JAK2: variants seen among roughly 807,000 people sequenced by gnomAD.
JAK2 encodes the protein tyrosine-protein kinase JAK2.
Under a neutral mutation model 139.3 loss-of-function variants are expected in JAK2, and 86 were observed. The observed-to-expected ratio is 0.62, with a 90% confidence interval of 0.52 to 0.74. The LOEUF (loss-of-function observed/expected upper bound fraction) is 0.74, where lower values mean the gene tolerates loss of function less well. Ranked by LOEUF, JAK2 falls within the 30% of genes least tolerant of loss-of-function variation. The probability of loss-of-function intolerance (pLI) is 0.00; values close to 1 mark genes in which losing one functional copy is unlikely to be tolerated. For missense variants in JAK2, 1,421 were observed against 1,360.3 expected (o/e 1.04, Z -0.70); for synonymous variants, 490 against 437.7 (o/e 1.12, Z -1.49).
chr9:5,017,082 A>G (rs957537962), intron 2 of JAK2, among the ~76,000 whole-genome samples: 2 of 152,244 alleles, frequency 1.3e-5, no homozygotes, highest in Non-Finnish European at 2.9e-5. Flanking sequence ...AGGGAAAGCC[A>G]TGACATGTAG....
intron 4 of JAK2, among the ~76,000 whole-genome samples, chr9:5,042,165 T>C (rs569105421): frequency 3.3e-4 from 49 of 147,414 alleles, no homozygotes; most frequent in South Asian, 6.4e-4. Context: ...GAGTCTCGCT[T>C]TGTCGCCCAG....
At chr9:5,092,254 T>C (rs1820641685) in intron 22 of JAK2, among the ~76,000 whole-genome samples, 1 of 152,086 alleles carries the variant, frequency 6.6e-6, no homozygotes, top group Admixed American at 6.5e-5. Context: ...AGTAGAGTGC[T>C]TGGTTGAGGT....
chr9:5,004,604 G>A (rs1821149913), intron 2 of JAK2, among the ~76,000 whole-genome samples: 1 of 152,174 alleles, frequency 6.6e-6, no homozygotes, highest in Admixed American at 6.5e-5. Context: ...GCATGGGAGT[G>A]TAGATATTGC....
At chr9:5,080,490 G>C (rs759545248) in intron 17 of JAK2, 43 bp from the exon 18 acceptor site, 11 of 1,546,774 alleles carry the variant, frequency 7.1e-6, no homozygotes, top group Admixed American at 4.1e-5. Context: ...GGTTGGTGTG[G>C]CATTACACAA....
At chr9:5,122,934 G>T in intron 22 of JAK2, 70 bp from the exon 23 acceptor site, 3 of 900,366 alleles carry the variant, frequency 3.3e-6, no homozygotes, top group South Asian at 1.8e-5. Flanking sequence ...TTTATACAAT[G>T]ATTTGCAGGT....
At chr9:5,064,257 C>T (rs1818405660) in intron 8 of JAK2, among the ~76,000 whole-genome samples, 1 of 151,992 alleles carries the variant, frequency 6.6e-6, no homozygotes, top group African/African-American at 2.4e-5. Context: ...AGGGCTGATG[C>T]CGTGGCTCAC....
intron 2 of JAK2, among the ~76,000 whole-genome samples, chr9:5,018,032 T>G (rs1042359782): frequency 6.6e-5 from 10 of 152,218 alleles, no homozygotes; most frequent in Non-Finnish European, 1.3e-4. Flanking sequence ...AGTTGGGTCA[T>G]GTTTTTTAGT....
chr9:5,020,695 C>G (rs1218423516), intron 2 of JAK2, among the ~76,000 whole-genome samples: 2 of 152,160 alleles, frequency 1.3e-5, no homozygotes, highest in Non-Finnish European at 2.9e-5. Flanking sequence ...GGTGGTAGAG[C>G]TTGTCCTCAG....
intron 12 of JAK2, among the ~76,000 whole-genome samples, chr9:5,071,385 A>G (rs1818939704): frequency 6.6e-6 from 1 of 152,224 alleles, no homozygotes; most frequent in Non-Finnish European, 1.5e-5. Flanking sequence ...ATTTTCAGAT[A>G]CAGACTATAA....
chr9:5,005,083 ATTTTTTT>A (rs527982744), intron 2 of JAK2, among the ~76,000 whole-genome samples: 1 of 40,032 alleles, frequency 2.5e-5, no homozygotes, highest in African/African-American at 1.0e-4. Flanking sequence ...TGCCTGGCTA[ATTTTTTT>A]TTTTTTTTTT....
chr9:5,068,475 G>C (rs1818721330), intron 10 of JAK2, among the ~76,000 whole-genome samples: 1 of 152,228 alleles, frequency 6.6e-6, no homozygotes, highest in African/African-American at 2.4e-5. Flanking sequence ...CTTAGAAACA[G>C]TGGTACTTGA....
intron 8 of JAK2, among the ~76,000 whole-genome samples, chr9:5,061,026 C>T (rs1370986756): frequency 6.6e-6 from 1 of 152,186 alleles, no homozygotes; most frequent in South Asian, 2.1e-4. Flanking sequence ...GAGAGTAATA[C>T]TTTGAAAGCA....
chr9:5,116,790 G>A (rs1823223042), intron 22 of JAK2, among the ~76,000 whole-genome samples: 2 of 152,126 alleles, frequency 1.3e-5, no homozygotes, highest in Non-Finnish European at 2.9e-5. Flanking sequence ...TCAACTGACA[G>A]GTCCACTACC....
chr9:5,017,508 T>A (rs1354913398), intron 2 of JAK2, among the ~76,000 whole-genome samples: 2 of 152,238 alleles, frequency 1.3e-5, no homozygotes, highest in Non-Finnish European at 2.9e-5. Context: ...TGAACTTCAT[T>A]TTTTCCTTCC....
At chr9:5,056,214 T>C (rs1817753244) in intron 8 of JAK2, among the ~76,000 whole-genome samples, 1 of 152,088 alleles carries the variant, frequency 6.6e-6, no homozygotes, top group Admixed American at 6.5e-5. Flanking sequence ...TGTAAATCAA[T>C]CCCAGGTCAG....
chr9:5,022,280 T>C (rs1329580834), intron 3 of JAK2, 67 bp downstream of exon 3: 17 of 1,010,080 alleles, frequency 1.7e-5, no homozygotes, highest in African/African-American at 3.2e-5. Flanking sequence ...ATGCTAATAC[T>C]AGGTACATGC....
chr9:5,006,071 A>C (rs996931551), intron 2 of JAK2, among the ~76,000 whole-genome samples: 11 of 152,210 alleles, frequency 7.2e-5, no homozygotes, highest in Non-Finnish European at 1.6e-4. Flanking sequence ...TTGAATCTAT[A>C]AATGACCTTG....
At chr9:5,093,064 C>A (rs1445524744) in intron 22 of JAK2, among the ~76,000 whole-genome samples, 1 of 152,090 alleles carries the variant, frequency 6.6e-6, no homozygotes, top group African/African-American at 2.4e-5. Context: ...CTGGTCTAAT[C>A]TATTATTTAA....
At chr9:5,028,267 G>A (rs1822910773) in intron 3 of JAK2, among the ~76,000 whole-genome samples, 1 of 152,170 alleles carries the variant, frequency 6.6e-6, no homozygotes, top group Non-Finnish European at 1.5e-5. Flanking sequence ...GTGACCAGGT[G>A]CATTGTCAAT....
Sources: gnomAD v4.1 joint callset for allele counts (sites outside exome capture counted in the v4.1 genomes callset) on GRCh38, gnomAD v4.1.1 for gene constraint, MANE v1.5 for transcripts, NCBI Gene and HGNC (gene_info 2026-07-23, HGNC 2026-07-21) for gene names.